The following PCDH7 variants were observed in gnomAD, a reference collection of about 807,000 sequenced individuals.
The protein encoded by PCDH7 is protocadherin 7.
Under a neutral mutation model 58.9 loss-of-function variants are expected in PCDH7, and 17 were observed. The observed-to-expected ratio is 0.29, with a 90% CI of 0.20 to 0.43. The LOEUF is 0.43. Among genes scored for constraint, PCDH7 ranks in the 20% least tolerant of loss-of-function variants. PCDH7 has a pLI of 1.00. For synonymous variants in PCDH7, 664 were observed against 616.4 expected, an observed-to-expected ratio of 1.08 and a Z score of -1.14; for missense variants, 1,274 against 1,441.0, an observed-to-expected ratio of 0.88 and a Z score of 1.88.
At chr4:30,874,532 G>A (rs1431417047) in intron 1 of PCDH7, among the ~76,000 whole-genome samples, 2 of 139,994 alleles carry the variant, frequency 1.4e-5, no homozygotes, top group Non-Finnish European at 3.1e-5. Context: ...ACACTCTGGG[G>A]ACTGTTGTGG....
At chr4:31,114,114 G>A (rs745806348) in intron 3 of PCDH7, among the ~76,000 whole-genome samples, 4 of 152,044 alleles carry the variant, frequency 2.6e-5, no homozygotes, top group Non-Finnish European at 5.9e-5. Flanking sequence ...AATTACACGC[G>A]TGAGCCACTG....
At chr4:30,746,362 A>T (rs1249832229) in intron 1 of PCDH7, among the ~76,000 whole-genome samples, 1 of 152,160 alleles carries the variant, frequency 6.6e-6, no homozygotes, top group Non-Finnish European at 1.5e-5. Flanking sequence ...CAAGAACCAG[A>T]TTGATTTTCT....
intron 3 of PCDH7, among the ~76,000 whole-genome samples, chr4:31,068,473 A>G (rs906737826): frequency 6.6e-6 from 1 of 152,010 alleles, no homozygotes; most frequent in African/African-American, 2.4e-5. Flanking sequence ...TCCAATATAT[A>G]CACCCTTGTA....
At chr4:31,103,430 C>G (rs1715151787) in intron 3 of PCDH7, among the ~76,000 whole-genome samples, 1 of 152,016 alleles carries the variant, frequency 6.6e-6, no homozygotes, top group South Asian at 2.1e-4. Context: ...ACCTCCACCT[C>G]CCAGTTCAAT....
At chr4:30,852,798 C>G (rs532377819) in intron 1 of PCDH7, among the ~76,000 whole-genome samples, 21 of 125,102 alleles carry the variant, frequency 1.7e-4, no homozygotes, top group African/African-American at 6.8e-4. Context: ...CTGTCAGAAC[C>G]AGAACTCAAA....
intron 3 of PCDH7, among the ~76,000 whole-genome samples, chr4:31,000,271 C>T (rs1248251663): frequency 6.6e-6 from 1 of 151,988 alleles, no homozygotes; most frequent in Non-Finnish European, 1.5e-5. Context: ...TAGTAGGTGT[C>T]AAAGCTAGAA....
intron 3 of PCDH7, among the ~76,000 whole-genome samples, chr4:31,128,340 G>T (rs1454248067): frequency 6.6e-6 from 1 of 151,968 alleles, no homozygotes; most frequent in Non-Finnish European, 1.5e-5. Flanking sequence ...TATTCATCAG[G>T]TTACTACCAT....
intron 1 of PCDH7, among the ~76,000 whole-genome samples, chr4:30,779,205 A>G (rs903521965): frequency 9.9e-5 from 15 of 151,470 alleles, no homozygotes; most frequent in African/African-American, 3.4e-4. Context: ...TTGTGTTTTT[A>G]GTAGAGACGG....
chr4:31,011,239 T>G (rs1753164714), intron 3 of PCDH7, among the ~76,000 whole-genome samples: 1 of 151,984 alleles, frequency 6.6e-6, no homozygotes, highest in Non-Finnish European at 1.5e-5. Context: ...AGATAACAGA[T>G]ACATTAAGCT....
chr4:31,023,567 AAAT>A (rs1245152460), intron 3 of PCDH7, among the ~76,000 whole-genome samples: 1 of 152,188 alleles, frequency 6.6e-6, no homozygotes, highest in Non-Finnish European at 1.5e-5. Context: ...GGAGTAAGCA[AAAT>A]AATATGTGTG....
chr4:31,053,117 A>G (rs1385785191), intron 3 of PCDH7, among the ~76,000 whole-genome samples: 1 of 151,988 alleles, frequency 6.6e-6, no homozygotes, highest in Non-Finnish European at 1.5e-5. Context: ...TTCCTTTGCA[A>G]ATGCTAAAAA....
rs555851522 is a variant in PCDH7 at position 31,128,644 on chromosome 4, G to A, written c.*8-13829G>A. On this transcript the variant is annotated intron_variant, in intron 3 of 3. Coordinates refer to the PCDH7 transcript ENST00000509759. ...ATAGCTATTATCCATAAGCAAAGAA[G>A]CTTAACAGGTTAGTTCATGTGTATT... 2.6e-5 allele frequency among the ~76,000 whole-genome samples: 4 copies of A among 152,248 alleles called. No homozygotes were observed. The East Asian group carries it at 5.8e-4, about 22-fold the overall frequency.
intron 2 of PCDH7, among the ~76,000 whole-genome samples, chr4:30,942,191 A>T (rs955478316): frequency 6.6e-6 from 1 of 151,972 alleles, no homozygotes; most frequent in Non-Finnish European, 1.5e-5. Flanking sequence ...ATTCGAATCA[A>T]GGATCTACTC....
intron 1 of PCDH7, among the ~76,000 whole-genome samples, chr4:30,877,677 G>C (rs1017593106): frequency 2.6e-5 from 4 of 151,982 alleles, no homozygotes; most frequent in Non-Finnish European, 1.5e-5. Flanking sequence ...CCATAATTTA[G>C]TTTTCCTAAA....
chr4:30,943,084 G>A (rs1346380251), intron 2 of PCDH7, among the ~76,000 whole-genome samples: 1 of 151,930 alleles, frequency 6.6e-6, no homozygotes, highest in South Asian at 2.1e-4. Flanking sequence ...ATAATTCTCT[G>A]AGTTTCCAAG....
chr4:30,768,223 C>T (rs1443732183), intron 1 of PCDH7, among the ~76,000 whole-genome samples: 2 of 151,798 alleles, frequency 1.3e-5, no homozygotes, highest in African/African-American at 4.8e-5. Context: ...TATTTGATCT[C>T]TTAATTTATT....
chr4:30,966,292 G>C (rs1003145061), intron 3 of PCDH7, among the ~76,000 whole-genome samples: 1 of 152,098 alleles, frequency 6.6e-6, no homozygotes, highest in African/African-American at 2.4e-5. Flanking sequence ...AGTCACACAT[G>C]CTTAAATGTC....
In PCDH7 at chr4:30,962,792, A is replaced by AC. The variant is rs1413506532; in HGVS notation, c.*7+12577_*7+12578insC. 4.4e-4 allele frequency among the ~76,000 whole-genome samples: 64 copies of AC among 145,266 alleles called. 2 individuals are homozygous for AC. Among genetic ancestry groups the AC allele is most frequent in the African/African-American group, 1.0e-3 (37 of 37,044 alleles). ...ACCCAGTCTTAAAAAAAAAAAAAAA[A>AC]AAAAAAAAAAAAACAGTGGTAATTC... On this transcript the variant is annotated intron_variant, in intron 3 of 3. Transcript: ENST00000509759.
intron 1 of PCDH7, among the ~76,000 whole-genome samples, chr4:30,894,823 G>A (rs986595599): frequency 6.7e-6 from 1 of 150,350 alleles, no homozygotes; most frequent in African/African-American, 2.4e-5. Flanking sequence ...ATTGCTGGAA[G>A]TTTAGTCAAC....
Sources: gnomAD v4.1 joint callset for allele counts (sites outside exome capture counted in the v4.1 genomes callset) on GRCh38, gnomAD v4.1.1 for gene constraint, MANE v1.5 for transcripts, NCBI Gene and HGNC (gene_info 2026-07-23, HGNC 2026-07-21) for gene names.